HHAT: variants seen among roughly 807,000 people sequenced by gnomAD.
The protein encoded by HHAT is protein-cysteine N-palmitoyltransferase HHAT.
Under a neutral mutation model 70.8 loss-of-function variants are expected in HHAT, and 47 were observed. The observed-to-expected ratio is 0.66, with a 90% confidence interval of 0.53 to 0.85. The LOEUF (loss-of-function observed/expected upper bound fraction) is 0.85, where lower values mean the gene tolerates loss of function less well. Among genes scored for constraint, HHAT ranks in the 40% least tolerant of loss-of-function variants. The pLI is 0.00. For synonymous variants in HHAT, 228 were observed against 247.6 expected (o/e 0.92, Z 0.74); for missense variants, 609 against 604.8 (o/e 1.01, Z -0.07).
chr1:210,373,803 GAGA>G (rs1479715665), intron 3 of HHAT, among the ~76,000 whole-genome samples: 1 of 152,210 alleles, frequency 6.6e-6, no homozygotes, highest in South Asian at 2.1e-4. Flanking sequence ...ATGTTATCTA[GAGA>G]AGGATGGATT....
At chr1:210,496,071 T>G (rs17416565) in intron 8 of HHAT, among the ~76,000 whole-genome samples, 1,546 of 146,418 alleles carry the variant, frequency 0.011, 38 homozygotes, top group African/African-American at 0.037. Context: ...ATTCATGGGT[T>G]AGAAAGAGTA....
intron 7 of HHAT, among the ~76,000 whole-genome samples, chr1:210,460,449 T>A (rs903835065): frequency 6.6e-6 from 1 of 152,222 alleles, no homozygotes; most frequent in Non-Finnish European, 1.5e-5. Flanking sequence ...TTGGCACGTA[T>A]GTACACAATG....
intron 6 of HHAT, among the ~76,000 whole-genome samples, chr1:210,405,716 CAT>C (rs1225216957): frequency 6.6e-6 from 1 of 152,134 alleles, no homozygotes; most frequent in Non-Finnish European, 1.5e-5. Flanking sequence ...ATAACAATAA[CAT>C]AATGTTCTAA....
At chr1:210,375,182 C>T (rs1231380728) in intron 3 of HHAT, among the ~76,000 whole-genome samples, 1 of 152,150 alleles carries the variant, frequency 6.6e-6, no homozygotes, top group East Asian at 1.9e-4. Flanking sequence ...GATACAGAAC[C>T]TTGAAGAGCT....
rs17015999 is a variant in HHAT, at chr1:210,348,889, C to G, written c.-43-44C>G. Reference sequence around the variant, plus strand: ...TGAATTGATGTTTAGATGCTGTTCTCTAGTGTCATGTTCATGGCTTAAAGT... The same window carrying G: ...TGAATTGATGTTTAGATGCTGTTCTGTAGTGTCATGTTCATGGCTTAAAGT... On this transcript the variant is annotated intron_variant, in intron 1 of 11. Coordinates refer to ENST00000261458, the MANE Select transcript of HHAT (RefSeq NM_018194.6). 5,621 of 1,559,858 alleles carry G rather than the reference C, an allele frequency of 3.6e-3. 157 individuals carry two copies. In the African/African-American group the frequency reaches 0.065, roughly 18 times the overall value.
chr1:210,519,241 C>G (rs1453088992), intron 9 of HHAT, among the ~76,000 whole-genome samples: 4 of 152,218 alleles, frequency 2.6e-5, no homozygotes, highest in Non-Finnish European at 4.4e-5. Context: ...TTTTCTCTAT[C>G]TGTGCATCTG....
chr1:210,450,777 A>G (rs908980639), intron 7 of HHAT, among the ~76,000 whole-genome samples: 8 of 152,092 alleles, frequency 5.3e-5, no homozygotes, highest in African/African-American at 1.9e-4. Context: ...GGGAGCTTTG[A>G]TAACTGGCAG....
At chr1:210,393,248 G>A (rs2091569398) in intron 4 of HHAT, among the ~76,000 whole-genome samples, 1 of 152,152 alleles carries the variant, frequency 6.6e-6, no homozygotes, top group African/African-American at 2.4e-5. Flanking sequence ...GTCATCTGCT[G>A]GCATTTGCTC....
intron 8 of HHAT, among the ~76,000 whole-genome samples, chr1:210,477,239 C>G (rs1261633957): frequency 6.6e-6 from 1 of 152,168 alleles, no homozygotes; most frequent in Non-Finnish European, 1.5e-5. Context: ...ATAAAGGCAA[C>G]TGATCTACAG....
intron 6 of HHAT, among the ~76,000 whole-genome samples, chr1:210,411,322 A>G (rs1380927745): frequency 6.6e-6 from 1 of 152,202 alleles, no homozygotes; most frequent in African/African-American, 2.4e-5. Flanking sequence ...TGGGTAGGTT[A>G]TGCTGAAGAG....
At position 210,410,449 on chromosome 1, in the gene HHAT, T is replaced by TTG. The variant is rs934341720; in HGVS notation, c.684+5771_684+5772insGT. ...TAAAGAAAGATGAAAAACCTTTTGT[T>TTG]TTTTTTTTTTTAAGTAAAAGCAAAT... is the stretch of plus-strand genomic sequence containing the variant. On this transcript the variant is annotated intron_variant, in intron 6 of 11. Coordinates refer to ENST00000261458, the MANE Select transcript of HHAT (RefSeq NM_018194.6). 1.2e-3 allele frequency among the ~76,000 whole-genome samples: 171 copies of TTG among 138,892 alleles called. 1 individual carries two copies. The highest frequency in any genetic ancestry group is 4.1e-3 in the African/African-American group (163 of 40,156). 91.1% of individuals were successfully genotyped at this position (138,892 alleles called of 152,430 possible). A position where few individuals can be genotyped will look rare whatever the true frequency, so the allele number is the denominator to read the frequency against.
rs1392674940 is a variant in HHAT at position 210,626,719 on chromosome 1, T to C, written c.1390+3049T>C. Among the ~76,000 whole-genome samples the C allele has an allele frequency of 2.0e-5, 3 of 152,178 alleles. 1 individual carries two copies. The highest frequency in any genetic ancestry group is 2.0e-4 in the Admixed American group (3 of 15,276). On this transcript the variant is annotated intron_variant, in intron 11 of 11. Transcript: ENST00000261458. ...ATAACTAATTTGACTTGATAGAAGATTAATATGAATATTCATGTTTTGGTG... is the reference window on the plus strand; with the variant it reads ...ATAACTAATTTGACTTGATAGAAGACTAATATGAATATTCATGTTTTGGTG...
At chr1:210,546,132 C>T (rs985171875) in intron 9 of HHAT, among the ~76,000 whole-genome samples, 1 of 152,210 alleles carries the variant, frequency 6.6e-6, no homozygotes, top group African/African-American at 2.4e-5. Flanking sequence ...CTCTGTGCTT[C>T]AGCTGGTCAA....
intron 9 of HHAT, among the ~76,000 whole-genome samples, chr1:210,525,568 G>C (rs924128651): frequency 6.6e-6 from 1 of 152,120 alleles, no homozygotes; most frequent in African/African-American, 2.4e-5. Context: ...GGAAAAACTT[G>C]TTAGAATTAT....
intron 7 of HHAT, chr1:210,439,586 G>A (rs2148352618): frequency 6.6e-6 from 1 of 152,100 alleles, no homozygotes; most frequent in African/African-American, 2.4e-5. Context: ...CTAATGTAAA[G>A]TAGAAAAACC....
At chr1:210,559,559 GA>G (rs1215229404) in intron 9 of HHAT, among the ~76,000 whole-genome samples, 2 of 152,302 alleles carry the variant, frequency 1.3e-5, no homozygotes, top group Middle Eastern at 3.4e-3. Flanking sequence ...CTAGGATTTG[GA>G]CACAGGACTG....
intron 9 of HHAT, among the ~76,000 whole-genome samples, chr1:210,583,554 A>C (rs1659731193): frequency 6.6e-6 from 1 of 152,226 alleles, no homozygotes; most frequent in Admixed American, 6.5e-5. Flanking sequence ...AATTTGTAAA[A>C]GAAAATAACC....
chr1:210,533,746 G>A (rs1573096787), intron 9 of HHAT, among the ~76,000 whole-genome samples: 1 of 152,190 alleles, frequency 6.6e-6, no homozygotes, highest in African/African-American at 2.4e-5. Flanking sequence ...TGCCAAGGAA[G>A]CTACTGGTTA....
chr1:210,413,916 A>G (rs1219919589), intron 6 of HHAT, among the ~76,000 whole-genome samples: 1 of 152,200 alleles, frequency 6.6e-6, no homozygotes, highest in African/African-American at 2.4e-5. Flanking sequence ...AAACTCTTCC[A>G]GCTTCTATCC....
Sources: gnomAD v4.1 joint callset for allele counts (sites outside exome capture counted in the v4.1 genomes callset) on GRCh38, gnomAD v4.1.1 for gene constraint, MANE v1.5 for transcripts, NCBI Gene and HGNC (gene_info 2026-07-23, HGNC 2026-07-21) for gene names.